Variants in EVA1A observed in about 807,000 individuals in gnomAD.
The protein encoded by EVA1A is eva-1 homolog A, regulator of programmed cell death, also known as protein eva-1 homolog A.
A neutral mutation model predicts 9.8 loss-of-function variants in EVA1A; 7 were observed. That is an observed-to-expected ratio of 0.71 (90% CI 0.41 to 1.34). The LOEUF (loss-of-function observed/expected upper bound fraction) is 1.34. EVA1A is among the 40% of genes most tolerant of loss of function. The pLI is 0.01. For missense variants in EVA1A, 206 were observed against 205.9 expected, an observed-to-expected ratio of 1.00 and a Z score of 0.00; for synonymous variants, 90 against 85.6, an observed-to-expected ratio of 1.05 and a Z score of -0.28.
intron 1 of EVA1A, among the ~76,000 whole-genome samples, chr2:75,554,583 T>A (rs1264403237): frequency 1.3e-5 from 2 of 152,226 alleles, no homozygotes; most frequent in Non-Finnish European, 2.9e-5. Context: ...TGGAGCGGGA[T>A]AAAGGGCTCA....
chr2:75,498,958 C>A (rs963257766), intron 3 of EVA1A, among the ~76,000 whole-genome samples: 1 of 152,166 alleles, frequency 6.6e-6, no homozygotes, highest in Non-Finnish European at 1.5e-5. Context: ...AGCCCATGAA[C>A]TCCACACCAA....
chr2:75,524,403 T>C (rs1446340617), intron 1 of EVA1A, among the ~76,000 whole-genome samples: 1 of 151,864 alleles, frequency 6.6e-6, no homozygotes, highest in African/African-American at 2.4e-5. Flanking sequence ...GCCTGGCTAC[T>C]ACAACTACAC....
At chr2:75,559,913 C>T (rs1676863120) in intron 1 of EVA1A, among the ~76,000 whole-genome samples, 1 of 152,096 alleles carries the variant, frequency 6.6e-6, no homozygotes, top group Non-Finnish European at 1.5e-5. Context: ...TATGAGAACT[C>T]AGGCAGTTAA....
chr2:75,544,305 T>G (rs1572985070), intron 1 of EVA1A, among the ~76,000 whole-genome samples: 2 of 152,240 alleles, frequency 1.3e-5, no homozygotes, highest in African/African-American at 4.8e-5. Context: ...TTCCCTGGAA[T>G]GTATGCTCTT....
intron 1 of EVA1A, among the ~76,000 whole-genome samples, chr2:75,557,475 C>CATCT (rs1676756417): frequency 6.6e-6 from 1 of 152,216 alleles, no homozygotes. Flanking sequence ...GTGTACTTTG[C>CATCT]ATCTGATCAA....
At chr2:75,562,759 C>G (rs559813420), upstream of EVA1A, among the ~76,000 whole-genome samples, 1 of 152,186 alleles carries the variant, frequency 6.6e-6, no homozygotes, top group Non-Finnish European at 1.5e-5. Context: ...TGATGAGAAG[C>G]GGGGTTTCCT....
chr2:75,563,481 C>A (rs556514628), upstream of EVA1A, among the ~76,000 whole-genome samples: 34 of 152,316 alleles, frequency 2.2e-4, no homozygotes, highest in Admixed American at 2.2e-3. Context: ...TGCATGCACA[C>A]GTGTGTTCAT....
At chr2:75,547,880 G>A (rs1676386708) in intron 1 of EVA1A, among the ~76,000 whole-genome samples, 3 of 152,180 alleles carry the variant, frequency 2.0e-5, no homozygotes, top group African/African-American at 4.8e-5. Context: ...TGTTTATAAA[G>A]TTTTACTATC....
At chr2:75,553,046 T>C (rs1252287916) in intron 1 of EVA1A, among the ~76,000 whole-genome samples, 1 of 152,220 alleles carries the variant, frequency 6.6e-6, no homozygotes, top group East Asian at 1.9e-4. Context: ...ACCTTGCCCC[T>C]TCACAGGCTG....
rs149883942 is a variant in EVA1A, at chr2:75,559,393, T to C, written c.-192+1287A>G. ...ATGAGGAAATCCAGCTACAGAAAGGTACAGGAAGGCCCCAGCCAGGATTCA... is the reference window on the plus strand; with the variant it reads ...ATGAGGAAATCCAGCTACAGAAAGGCACAGGAAGGCCCCAGCCAGGATTCA... On this transcript the variant is annotated intron_variant, in intron 1 of 3. Coordinates refer to ENST00000393913, the MANE Select transcript of EVA1A (RefSeq NM_001135032.2). Among the ~76,000 whole-genome samples, 29 of 152,224 alleles carry C rather than the reference T, an allele frequency of 1.9e-4. No homozygotes were observed. In the East Asian group the frequency reaches 5.6e-3, roughly 30 times the overall value.
At chr2:75,545,524 T>C (rs953336929) in intron 1 of EVA1A, among the ~76,000 whole-genome samples, 2 of 152,076 alleles carry the variant, frequency 1.3e-5, no homozygotes, top group Non-Finnish European at 2.9e-5. Context: ...TAGCCACTGA[T>C]CATTAGGGCC....
intron 1 of EVA1A, among the ~76,000 whole-genome samples, chr2:75,559,785 T>C (rs1676857475): frequency 2.6e-5 from 4 of 151,072 alleles, no homozygotes; most frequent in Admixed American, 2.6e-4. Context: ...AGTGTATGTG[T>C]GGTATAGACC....
intron 1 of EVA1A, among the ~76,000 whole-genome samples, chr2:75,532,872 G>A (rs1247481728): frequency 1.3e-5 from 2 of 152,192 alleles, no homozygotes; most frequent in Non-Finnish European, 2.9e-5. Flanking sequence ...GCTGAGTGTG[G>A]TGGCTCAAGC....
upstream of EVA1A, among the ~76,000 whole-genome samples, chr2:75,565,425 T>C (rs1677007641): frequency 2.6e-5 from 4 of 152,094 alleles, no homozygotes; most frequent in South Asian, 6.2e-4. Flanking sequence ...AAGGAGAACA[T>C]CAAAACTGCT....
At chr2:75,501,319 G>A (rs995024357) in intron 3 of EVA1A, among the ~76,000 whole-genome samples, 2 of 152,056 alleles carry the variant, frequency 1.3e-5, no homozygotes, top group African/African-American at 2.4e-5. Flanking sequence ...CTTGAACTTC[G>A]CAAATGTTTA....
At chr2:75,541,241 A>G (rs146807509) in intron 1 of EVA1A, among the ~76,000 whole-genome samples, 123 of 152,330 alleles carry the variant, frequency 8.1e-4, no homozygotes, top group African/African-American at 2.9e-3. Context: ...CAACAGATAG[A>G]AAACTCAGAA....
At chr2:75,542,570 T>A (rs2103942857) in intron 1 of EVA1A, 1 of 152,462 alleles carries the variant, frequency 6.6e-6, no homozygotes, top group East Asian at 1.9e-4. Context: ...GTCTTACCCA[T>A]CCTTCAAAGT....
intron 1 of EVA1A, among the ~76,000 whole-genome samples, chr2:75,554,244 T>C (rs1676623009): frequency 6.6e-6 from 1 of 152,228 alleles, no homozygotes. Context: ...AGGTGTTTTG[T>C]AAAGTCTTCT....
At chr2:75,500,601 T>G (rs1315302837) in intron 3 of EVA1A, among the ~76,000 whole-genome samples, 1 of 152,182 alleles carries the variant, frequency 6.6e-6, no homozygotes, top group Non-Finnish European at 1.5e-5. Flanking sequence ...TTTTTATGTT[T>G]AAAAACTCCC....
Sources: allele counts gnomAD v4.1 joint callset (sites outside exome capture counted in the v4.1 genomes callset), GRCh38; gene constraint gnomAD v4.1.1; transcripts MANE v1.5; gene names NCBI Gene and HGNC (gene_info 2026-07-23, HGNC 2026-07-21).